NAV2: variants seen among roughly 807,000 people sequenced by gnomAD.
The protein encoded by NAV2 is neuron navigator 2.
In NAV2, 54 loss-of-function variants were observed where a neutral mutation model predicts 223.2. The ratio of observed to expected loss-of-function variants is 0.24; its 90% CI spans 0.19 to 0.30. The LOEUF is 0.30. Among genes scored for constraint, NAV2 ranks in the 10% least tolerant of loss-of-function variants. NAV2 has a pLI of 1.00. For missense variants in NAV2, 2,806 were observed against 3,147.5 expected (o/e 0.89, Z 2.60); for synonymous variants, 1,279 against 1,239.3 (o/e 1.03, Z -0.67).
At chr11:19,610,368 A>T (rs763508026) in intron 1 of NAV2, among the ~76,000 whole-genome samples, 5 of 152,212 alleles carry the variant, frequency 3.3e-5, no homozygotes, top group Non-Finnish European at 7.3e-5. Context: ...AAATAAAGGG[A>T]TGGGGAAATC....
chr11:20,109,456 C>T (rs2062446022), intron 36 of NAV2, among the ~76,000 whole-genome samples: 1 of 152,182 alleles, frequency 6.6e-6, no homozygotes, highest in Non-Finnish European at 1.5e-5. Flanking sequence ...GATAAATTGA[C>T]CATAATTTAG....
chr11:19,409,706 T>C (rs576069280), intron 1 of NAV2, among the ~76,000 whole-genome samples: 2 of 152,326 alleles, frequency 1.3e-5, no homozygotes, highest in East Asian at 3.9e-4. Context: ...TTTAATTTAG[T>C]TCTCTCCAAA....
intron 1 of NAV2, among the ~76,000 whole-genome samples, chr11:19,576,626 G>A (rs776125540): frequency 1.3e-5 from 2 of 152,174 alleles, no homozygotes; most frequent in Non-Finnish European, 1.5e-5. Context: ...TATTTAGCTT[G>A]TTGTAAAACT....
intron 1 of NAV2, among the ~76,000 whole-genome samples, chr11:19,561,185 G>A (rs1277091078): frequency 6.6e-6 from 1 of 152,190 alleles, no homozygotes; most frequent in African/African-American, 2.4e-5. Flanking sequence ...CAGAATGTGT[G>A]TTGGGTCTTC....
intron 20 of NAV2, 56 bp from the exon 21 acceptor site, chr11:20,068,130 A>G (rs939016984): frequency 6.7e-7 from 1 of 1,488,046 alleles, no homozygotes; most frequent in Non-Finnish European, 9.4e-7. Flanking sequence ...GATGGGCTGG[A>G]CTACACTATT....
chr11:19,449,181 C>T (rs1449609179), intron 1 of NAV2, among the ~76,000 whole-genome samples: 2 of 152,056 alleles, frequency 1.3e-5, no homozygotes, highest in Admixed American at 6.6e-5. Flanking sequence ...GGAGCATGAC[C>T]CAGCTGGGCT....
chr11:19,649,025 T>TTTTATC lies in NAV2; in HGVS notation c.76-183458_76-183453dup, dbSNP rs1256793478. On this transcript the variant is annotated intron_variant, in intron 1 of 37. Coordinates refer to the NAV2 transcript ENST00000360655. Reference sequence around the variant, plus strand: ...ATTATAAGCATCTTTCTGTGTTATTTTTTATCCATAGAAATTTGTTTTCGT... The same window carrying TTTTATC: ...ATTATAAGCATCTTTCTGTGTTATTTTTTATCTTTATCCATAGAAATTTGTTTTCGT... Among the ~76,000 whole-genome samples the TTTTATC allele has an allele frequency of 3.9e-5, 6 of 152,366 alleles. No individual in the cohort carries two copies. The East Asian group carries it at 1.2e-3, about 29-fold the overall frequency.
intron 2 of NAV2, among the ~76,000 whole-genome samples, chr11:19,834,807 C>T (rs1218881743): frequency 6.6e-6 from 1 of 152,236 alleles, no homozygotes; most frequent in Non-Finnish European, 1.5e-5. Context: ...GTGGGATCAG[C>T]TGTGCTGCCT....
At chr11:20,002,483 G>A (rs753578037) in intron 11 of NAV2, among the ~76,000 whole-genome samples, 4 of 152,182 alleles carry the variant, frequency 2.6e-5, no homozygotes, top group Admixed American at 6.5e-5. Flanking sequence ...GAGCACTGTA[G>A]CATGGGTCAG....
intron 6 of NAV2, among the ~76,000 whole-genome samples, chr11:19,922,030 G>A (rs1175103179): frequency 6.6e-6 from 1 of 152,190 alleles, no homozygotes; most frequent in Non-Finnish European, 1.5e-5. Context: ...AAGTGGAGCA[G>A]AGAATATATA....
At chr11:19,966,460 A>G (rs1350386020) in intron 10 of NAV2, among the ~76,000 whole-genome samples, 1 of 152,058 alleles carries the variant, frequency 6.6e-6, no homozygotes, top group Non-Finnish European at 1.5e-5. Flanking sequence ...CAAATGATCA[A>G]CTTGCCTAGC....
intron 1 of NAV2, among the ~76,000 whole-genome samples, chr11:19,777,036 G>T (rs1214839014): frequency 6.6e-6 from 1 of 151,806 alleles, no homozygotes. Flanking sequence ...GAAGCGCCGG[G>T]TGCCACGCGG....
chr11:20,016,426 GATTAAGGAAT>G (rs1230751433), intron 11 of NAV2, among the ~76,000 whole-genome samples: 1 of 152,218 alleles, frequency 6.6e-6, no homozygotes, highest in Non-Finnish European at 1.5e-5. Context: ...TTTGTTTAGA[GATTAAGGAAT>G]ATGTGTGCTT....
intron 4 of NAV2, among the ~76,000 whole-genome samples, chr11:19,872,621 A>G (rs1306134289): frequency 6.6e-6 from 1 of 152,238 alleles, no homozygotes; most frequent in South Asian, 2.1e-4. Context: ...AAGGCCCCAT[A>G]GATACATCTC....
chr11:19,767,172 G>T (rs1565280895), intron 1 of NAV2, among the ~76,000 whole-genome samples: 1 of 152,158 alleles, frequency 6.6e-6, no homozygotes, highest in South Asian at 2.1e-4. Flanking sequence ...ATAGAAACTG[G>T]GGTGTATAGA....
At chr11:19,379,051 G>A (rs565202544) in intron 1 of NAV2, among the ~76,000 whole-genome samples, 1 of 152,308 alleles carries the variant, frequency 6.6e-6, no homozygotes, top group African/African-American at 2.4e-5. Context: ...GCAGGGGCAG[G>A]GCAGAGAAGT....
In NAV2 at chr11:20,097,737, CTG is replaced by C; in HGVS notation, c.6176_6177del (p.Val2059GlufsTer14). 6.3e-7 allele frequency: 1 copy of C among 1,587,510 alleles called. No homozygotes were observed. The highest frequency in any genetic ancestry group is 8.6e-7 in the Non-Finnish European group (1 of 1,169,564). On this transcript the variant is annotated frameshift_variant, in exon 31 of 38. Coordinates refer to ENST00000349880, the MANE Select transcript of NAV2 (RefSeq NM_145117.5). LOFTEE classifies it high-confidence loss of function. ...GGAGAGAACACGACCATCTCAGTGA[CTG>C]TGAAAGGTAATTGAGCTTGTTGCAG...
intron 1 of NAV2, among the ~76,000 whole-genome samples, chr11:19,816,667 A>C (rs1388141567): frequency 1.3e-5 from 2 of 152,226 alleles, no homozygotes; most frequent in Non-Finnish European, 2.9e-5. Flanking sequence ...GTTTATGGCT[A>C]TAGAATAACA....
rs1369600200 is a variant in NAV2 at position 19,713,346 on chromosome 11, C to A, written c.-350C>A. 2.7e-6 allele frequency: 3 copies of A among 1,122,666 alleles called. No individual in the cohort carries two copies. Among genetic ancestry groups the A allele is most frequent in the Admixed American group, 4.9e-5 (1 of 20,478 alleles). 69.5% of individuals were successfully genotyped at this position (1,122,666 alleles called of 1,614,324 possible). ...AGATGCAGTGACAAGTTAATATGGGCGTCCAAGCCTCTGTTTCCCAGGAGG... is the reference window on the plus strand; with the variant it reads ...AGATGCAGTGACAAGTTAATATGGGAGTCCAAGCCTCTGTTTCCCAGGAGG... On this transcript the variant is annotated 5_prime_UTR_variant, in exon 1 of 38. Transcript: ENST00000349880. This position sits in a 1 kb window ranked among gnomAD's most constrained non-coding sequence, Gnocchi z 7.2.
Sources: allele counts gnomAD v4.1 joint callset (sites outside exome capture counted in the v4.1 genomes callset), GRCh38; gene constraint gnomAD v4.1.1; non-coding constraint Gnocchi (gnomAD v3.1); transcripts MANE v1.5; gene names NCBI Gene and HGNC (gene_info 2026-07-23, HGNC 2026-07-21).